CLEC12B: variants seen among roughly 807,000 people sequenced by gnomAD.
The protein encoded by CLEC12B is macrophage antigen h.
In CLEC12B, 25 loss-of-function variants were observed where a neutral mutation model predicts 36.1. The observed-to-expected ratio is 0.69, with a 90% CI of 0.50 to 0.97. CLEC12B has a LOEUF of 0.97. Ranked by LOEUF, CLEC12B falls within the 50% of genes least tolerant of loss-of-function variation. CLEC12B has a pLI of 0.00. For synonymous variants in CLEC12B, 110 were observed against 108.5 expected (o/e 1.01, Z -0.09); for missense variants, 325 against 318.4 (o/e 1.02, Z -0.16).
At chr12:10,014,349 G>C (rs1865417888) in intron 2 of CLEC12B, among the ~76,000 whole-genome samples, 174 bp from the exon 3 acceptor site, 1 of 151,870 alleles carries the variant, frequency 6.6e-6, no homozygotes, top group African/African-American at 2.4e-5. Flanking sequence ...AAATTATAAA[G>C]AACTATAAAT....
At chr12:10,007,857 A>G (rs1565576473), upstream of CLEC12B, among the ~76,000 whole-genome samples, 1 of 152,234 alleles carries the variant, frequency 6.6e-6, no homozygotes, top group Non-Finnish European at 1.5e-5. Context: ...GATTTTTATA[A>G]TTGGCCCTGG....
intron 5 of CLEC12B, 198 bp downstream of exon 5, chr12:10,015,925 T>C (rs1447941250): frequency 2.2e-6 from 3 of 1,380,602 alleles, no homozygotes; most frequent in East Asian, 2.7e-5. Context: ...CACTGAATTT[T>C]ATCTTTTGGT....
rs776241064 is a variant in CLEC12B, at chr12:10,010,879, C to G, written c.91+29C>G. ...GGAGTTCAGAGAAGACCAGCTGTGTCCTTGGGGGAGTGGACAGGTGTTAAA... is the reference window on the plus strand; with the variant it reads ...GGAGTTCAGAGAAGACCAGCTGTGTGCTTGGGGGAGTGGACAGGTGTTAAA... On this transcript the variant is annotated intron_variant, in intron 1 of 5. Coordinates refer to ENST00000338896, the MANE Select transcript of CLEC12B (RefSeq NM_001129998.3). The G allele has an allele frequency of 2.4e-5, 35 of 1,472,952 alleles. No individual in the cohort carries two copies. The South Asian group carries it at 3.9e-4, about 16-fold the overall frequency. 91.2% of individuals were successfully genotyped at this position (1,472,952 alleles called of 1,614,324 possible). A position where few individuals can be genotyped will look rare whatever the true frequency, so the allele number is the denominator to read the frequency against.
upstream of CLEC12B, among the ~76,000 whole-genome samples, chr12:10,008,869 T>C (rs1225012255): frequency 6.6e-6 from 1 of 152,116 alleles, no homozygotes; most frequent in East Asian, 1.9e-4. Context: ...GAAAACCCAG[T>C]TTTTGCAAAA....
rs1865541775 is a variant in CLEC12B, at chr12:10,018,477, A to G, written c.827A>G (p.Asp276Gly). Residue 276 changes from aspartate to glycine, a missense_variant, in exon 6 of 6, where the codon GAT (aspartate) becomes GGT (glycine). By Grantham distance (94) the Asp-to-Gly change is moderately conservative. Coordinates refer to ENST00000338896, the MANE Select transcript of CLEC12B (RefSeq NM_001129998.3). ...TAAPVKTEDL[D>G] is the part of the protein sequence containing the mutation. ...GCCCCAGTGAAGACTGAGGATTTGG[A>G]TTAGTATGCTTCTTCCAAATTCTCC... The G allele has an allele frequency of 1.3e-6, 2 of 1,549,890 alleles. No individual in the cohort carries two copies. The highest frequency in any genetic ancestry group is 1.7e-6 in the Non-Finnish European group (2 of 1,146,434).
chr12:10,012,770 T>G lies in CLEC12B; in HGVS notation c.92-15T>G, dbSNP rs767754797. On this transcript the variant is annotated splice_polypyrimidine_tract_variant and intron_variant, in intron 1 of 5. Coordinates refer to ENST00000338896, the MANE Select transcript of CLEC12B (RefSeq NM_001129998.3). ...AGCAGTTCTGTGTGCTGATTGCTCT[T>G]TTGGCTTTCTCCAGGGCATCCAGCT... 4.4e-6 allele frequency: 7 copies of G among 1,607,536 alleles called. No homozygotes were observed. The South Asian group carries it at 7.7e-5, about 18-fold the overall frequency.
intron 2 of CLEC12B, among the ~76,000 whole-genome samples, chr12:10,013,946 T>C (rs1865406026): frequency 6.6e-6 from 1 of 152,154 alleles, no homozygotes; most frequent in South Asian, 2.1e-4. Flanking sequence ...TATAGAAGGG[T>C]GACATTTCTT....
chr12:10,018,480 A>G lies in CLEC12B; in HGVS notation c.830A>G (p.Ter277TrpextTer10), dbSNP rs1565582732. The G allele has an allele frequency of 2.6e-6, 4 of 1,548,508 alleles. No homozygotes were observed. The highest frequency in any genetic ancestry group is 4.9e-5 in the East Asian group (2 of 40,874). Residue 277 changes from the stop codon to tryptophan, a stop_lost, in exon 6 of 6, where the codon TAG (stop) becomes TGG (tryptophan). Transcript: ENST00000338896. The part of the protein sequence containing the change: ...AAPVKTEDLD[*>W] ...CCAGTGAAGACTGAGGATTTGGATT[A>G]GTATGCTTCTTCCAAATTCTCCAAG... is the stretch of plus-strand genomic sequence containing the variant.
upstream of CLEC12B, among the ~76,000 whole-genome samples, chr12:10,009,371 T>C (rs1006849148): frequency 6.6e-6 from 1 of 152,198 alleles, no homozygotes; most frequent in Non-Finnish European, 1.5e-5. Flanking sequence ...AAAACCATTC[T>C]TAATTTCTTA....
rs183383572 is a variant in CLEC12B at position 10,016,193 on chromosome 12, C to T, written c.680+466C>T. The T allele has an allele frequency of 1.9e-5, 3 of 157,084 alleles. No homozygotes were observed. The East Asian group carries it at 5.7e-4, about 30-fold the overall frequency. The allele number at this position is 157,084 out of a possible 1,614,324, so 9.7% of individuals were successfully genotyped here. On this transcript the variant is annotated intron_variant, in intron 5 of 5. Transcript: ENST00000338896. ...TGCTGGTCATAAGAACACATATCAA[C>T]ACATTTATTTATACTAAATAACTGT...
At chr12:10,014,453 T>C (rs1865423145) in intron 2 of CLEC12B, 70 bp from the exon 3 acceptor site, 1 of 1,096,088 alleles carries the variant, frequency 9.1e-7, no homozygotes, top group African/African-American at 1.6e-5. Context: ...GAAATGTTTC[T>C]GTCACGAGAA....
At chr12:10,009,468 G>T (rs1337598190), upstream of CLEC12B, among the ~76,000 whole-genome samples, 1 of 150,984 alleles carries the variant, frequency 6.6e-6, no homozygotes, top group African/African-American at 2.4e-5. Flanking sequence ...CATAAGCATA[G>T]ATTTATTATT....
chr12:10,006,488 A>G (rs529724290), upstream of CLEC12B, among the ~76,000 whole-genome samples: 1 of 151,464 alleles, frequency 6.6e-6, no homozygotes, highest in Non-Finnish European at 1.5e-5. Flanking sequence ...AAGACCAAGA[A>G]TTGAACTCTA....
chr12:10,014,365 G>T (rs1434900396), intron 2 of CLEC12B, among the ~76,000 whole-genome samples, 158 bp from the exon 3 acceptor site: 6 of 152,072 alleles, frequency 3.9e-5, no homozygotes, highest in African/African-American at 1.4e-4. Flanking sequence ...TAAATAATTT[G>T]GAATAGAAAG....
At chr12:10,015,120 C>A in intron 3 of CLEC12B, 132 bp from the exon 4 acceptor site, 1 of 783,168 alleles carries the variant, frequency 1.3e-6, no homozygotes, top group Middle Eastern at 3.8e-4. Context: ...TTTTCAGAGG[C>A]TTCTAAAGCA....
At chr12:10,013,105 G>A (rs959103771) in intron 2 of CLEC12B, 23 of 527,392 alleles carry the variant, frequency 4.4e-5, no homozygotes, top group Admixed American at 2.9e-4. Flanking sequence ...AAGCTAAACT[G>A]GACTTAGACA....
At chr12:10,007,725 C>T (rs1357750305), upstream of CLEC12B, among the ~76,000 whole-genome samples, 4 of 152,218 alleles carry the variant, frequency 2.6e-5, no homozygotes, top group African/African-American at 9.7e-5. Flanking sequence ...AATATGATCA[C>T]ATTCAGCTAC....
Position 10,012,824 on chromosome 12 carries a change from T to G in CLEC12B, c.131T>G (p.Leu44Arg). 6.2e-7 allele frequency: 1 copy of G among 1,613,876 alleles called. No homozygotes were observed. The highest frequency in any genetic ancestry group is 8.5e-7 in the Non-Finnish European group (1 of 1,179,878). ...TCTCCCATTTGGCGTCATGCTGCTCTGGGTCTGGTAACTCTTTGCCTGATG... is the reference window on the plus strand; with the variant it reads ...TCTCCCATTTGGCGTCATGCTGCTCGGGGTCTGGTAACTCTTTGCCTGATG... The part of the protein sequence containing the change: ...APSPIWRHAA[L>R]GLVTLCLMLL... Residue 44 changes from leucine (L) to arginine (R), a missense_variant, in exon 2 of 6, where the codon CTG becomes CGG. Physicochemically the swap from Leu to Arg is moderately radical, Grantham distance 102. Transcript: ENST00000338896.
intron 5 of CLEC12B, chr12:10,017,378 C>T: frequency 2.0e-6 from 2 of 985,394 alleles, no homozygotes; most frequent in Non-Finnish European, 2.4e-6. Context: ...AGTACTATGA[C>T]ATCATGTAAA....
Sources: gnomAD v4.1 joint callset for allele counts (sites outside exome capture counted in the v4.1 genomes callset) on GRCh38, gnomAD v4.1.1 for gene constraint, MANE v1.5 for transcripts, NCBI Gene and HGNC (gene_info 2026-07-23, HGNC 2026-07-21) for gene names.